The following STXBP5L variants were observed in gnomAD, a reference collection of about 807,000 sequenced individuals.
The protein encoded by STXBP5L is syntaxin binding protein 5L, also known as syntaxin-binding protein 5-like.
STXBP5L carries 65 observed loss-of-function variants against 144.5 expected under a neutral mutation model. The ratio of observed to expected loss-of-function variants is 0.45; its 90% CI spans 0.37 to 0.55. The LOEUF (loss-of-function observed/expected upper bound fraction) is 0.55, where lower values mean the gene tolerates loss of function less well. Among genes scored for constraint, STXBP5L ranks in the 20% least tolerant of loss-of-function variants. The pLI is 0.00. For missense variants in STXBP5L, 1,298 were observed against 1,405.5 expected, an observed-to-expected ratio of 0.92 and a Z score of 1.22; for synonymous variants, 505 against 469.6, an observed-to-expected ratio of 1.08 and a Z score of -0.97.
intron 9 of STXBP5L, among the ~76,000 whole-genome samples, chr3:121,165,809 T>A (rs2046476507): frequency 2.0e-5 from 3 of 152,124 alleles, no homozygotes; most frequent in African/African-American, 2.4e-5. Context: ...CCAGTGTGCA[T>A]TCCTCCCAGT....
intron 23 of STXBP5L, among the ~76,000 whole-genome samples, chr3:121,411,989 T>C (rs1027572046): frequency 6.6e-6 from 1 of 152,186 alleles, no homozygotes; most frequent in Non-Finnish European, 1.5e-5. Context: ...CTGCATTTAA[T>C]CCATCAAGAA....
At chr3:120,969,120 G>C (rs1378490103) in intron 3 of STXBP5L, among the ~76,000 whole-genome samples, 1 of 151,888 alleles carries the variant, frequency 6.6e-6, no homozygotes, top group Non-Finnish European at 1.5e-5. Context: ...CGTCTATACT[G>C]TTTTCCATAG....
chr3:121,358,650 G>T (rs911549189), intron 20 of STXBP5L, among the ~76,000 whole-genome samples: 1 of 152,154 alleles, frequency 6.6e-6, no homozygotes, highest in Non-Finnish European at 1.5e-5. Context: ...TTTGGGTGGT[G>T]ACACAGAGCC....
intron 5 of STXBP5L, among the ~76,000 whole-genome samples, chr3:121,107,831 T>C (rs899660586): frequency 6.6e-6 from 1 of 152,220 alleles, no homozygotes; most frequent in Non-Finnish European, 1.5e-5. Flanking sequence ...ATATTGATGC[T>C]TCCTGCCCAT....
chr3:121,006,849 A>G (rs183242242), intron 3 of STXBP5L, among the ~76,000 whole-genome samples: 2 of 151,868 alleles, frequency 1.3e-5, no homozygotes, highest in African/African-American at 2.4e-5. Context: ...GTTGAAAATT[A>G]TTTTCTTTAA....
rs112967595 is a variant in STXBP5L, at chr3:121,338,592, CA to C, written c.2176+20069del. Among the ~76,000 whole-genome samples the C allele has an allele frequency of 4.3e-3, 435 of 101,640 alleles. 5 individuals carry two copies. The highest frequency in any genetic ancestry group is 0.012 in the African/African-American group (326 of 27,388). The allele number at this position is 101,640 out of a possible 152,430, so 66.7% of individuals were successfully genotyped here. ...TGGGAGGCAGAGGTTGCATTTCTGT[CA>C]AAAAAAAAAAAAAAAAGAGAGAAAG... On this transcript the variant is annotated intron_variant, in intron 20 of 26. Coordinates refer to ENST00000471454, the MANE Select transcript of STXBP5L (RefSeq NM_001308330.2).
intron 2 of STXBP5L, among the ~76,000 whole-genome samples, chr3:120,952,011 T>A (rs1711273928): frequency 6.6e-6 from 1 of 151,778 alleles, no homozygotes; most frequent in Non-Finnish European, 1.5e-5. Flanking sequence ...TGTAGGGACA[T>A]GGATGAAACT....
intron 22 of STXBP5L, among the ~76,000 whole-genome samples, chr3:121,388,188 GCTCT>G (rs140182665): frequency 0.12 from 18,610 of 151,958 alleles, 1,227 homozygotes; most frequent in South Asian, 0.23. Context: ...TCATGATTTG[GCTCT>G]CTGTTTGTCT....
intron 5 of STXBP5L, among the ~76,000 whole-genome samples, chr3:121,077,058 A>G (rs2042048185): frequency 6.6e-6 from 1 of 152,096 alleles, no homozygotes; most frequent in Non-Finnish European, 1.5e-5. Flanking sequence ...GTCACGCTCT[A>G]TGTTGGTCTC....
intron 22 of STXBP5L, among the ~76,000 whole-genome samples, chr3:121,401,809 G>A (rs2046881993): frequency 7.2e-6 from 1 of 137,990 alleles, no homozygotes; most frequent in African/African-American, 2.8e-5. Context: ...ACACGTTAGT[G>A]GGTGCAGCGC....
At chr3:120,915,723 T>G (rs891142965) in intron 2 of STXBP5L, among the ~76,000 whole-genome samples, 3 of 152,126 alleles carry the variant, frequency 2.0e-5, no homozygotes, top group Non-Finnish European at 2.9e-5. Context: ...TGTTCCTAAT[T>G]TCCTAGGTAA....
intron 7 of STXBP5L, among the ~76,000 whole-genome samples, chr3:121,146,163 G>T (rs1031271291): frequency 6.6e-6 from 1 of 151,924 alleles, no homozygotes; most frequent in Admixed American, 6.6e-5. Context: ...TTCTAATCCT[G>T]CATAATTACA....
chr3:121,051,457 GA>G (rs1401281038), intron 5 of STXBP5L, among the ~76,000 whole-genome samples: 12 of 152,138 alleles, frequency 7.9e-5, no homozygotes, highest in Admixed American at 3.3e-4. Context: ...CAACTACATG[GA>G]AACTGAACAA....
At chr3:121,277,708 G>A (rs566462482) in intron 18 of STXBP5L, among the ~76,000 whole-genome samples, 10 of 150,994 alleles carry the variant, frequency 6.6e-5, no homozygotes, top group East Asian at 1.9e-4. Context: ...TGAATTTTAC[G>A]TTTTTGGTGG....
At chr3:120,992,345 C>T (rs1942982920) in intron 3 of STXBP5L, among the ~76,000 whole-genome samples, 2 of 151,964 alleles carry the variant, frequency 1.3e-5, no homozygotes, top group South Asian at 4.1e-4. Flanking sequence ...TATAAAACAA[C>T]ATTGTTTTTA....
chr3:121,051,738 G>A (rs568341781), intron 5 of STXBP5L, among the ~76,000 whole-genome samples: 1 of 152,164 alleles, frequency 6.6e-6, no homozygotes, highest in East Asian at 1.9e-4. Flanking sequence ...ACTAAAATCA[G>A]AGCAGAACTG....
intron 22 of STXBP5L, among the ~76,000 whole-genome samples, chr3:121,384,014 T>A (rs1334396701): frequency 2.6e-5 from 4 of 152,136 alleles, no homozygotes; most frequent in African/African-American, 9.7e-5. Context: ...AGAACGTTGT[T>A]AAATAAACTT....
intron 18 of STXBP5L, among the ~76,000 whole-genome samples, chr3:121,261,016 C>G (rs1015200037): frequency 3.3e-5 from 5 of 152,156 alleles, no homozygotes; most frequent in African/African-American, 9.7e-5. Flanking sequence ...TGATTATTCT[C>G]TAGCCCAAGT....
intron 20 of STXBP5L, among the ~76,000 whole-genome samples, chr3:121,376,750 C>T (rs1176312213): frequency 6.6e-6 from 1 of 151,994 alleles, no homozygotes; most frequent in Non-Finnish European, 1.5e-5. Context: ...CTTAAAGTAG[C>T]TTTTTTTCTA....
Sources: allele counts gnomAD v4.1 joint callset (sites outside exome capture counted in the v4.1 genomes callset), GRCh38; gene constraint gnomAD v4.1.1; transcripts MANE v1.5; gene names NCBI Gene and HGNC (gene_info 2026-07-23, HGNC 2026-07-21).